The following TCP11L1 variants were observed in gnomAD, a reference collection of about 807,000 sequenced individuals.
TCP11L1 encodes T-complex protein 11-like protein 1.
In TCP11L1, 28 loss-of-function variants were observed where a neutral mutation model predicts 48.9. The ratio of observed to expected loss-of-function variants is 0.57; its 90% CI spans 0.42 to 0.78. TCP11L1 has a LOEUF of 0.78. TCP11L1 is among the 30% of genes least tolerant of loss of function. The pLI is 0.00. For synonymous variants in TCP11L1, 204 were observed against 231.9 expected, an observed-to-expected ratio of 0.88 and a Z score of 1.09; for missense variants, 505 against 613.4, an observed-to-expected ratio of 0.82 and a Z score of 1.87.
chr11:33,070,130 A>C (rs1441518099), intron 9 of TCP11L1, among the ~76,000 whole-genome samples: 1 of 151,996 alleles, frequency 6.6e-6, no homozygotes, highest in African/African-American at 2.4e-5. Flanking sequence ...TAAAAAAAAA[A>C]AATTAGCCAG....
chr11:33,066,923 CCTAA>C (rs1167663375), intron 8 of TCP11L1, among the ~76,000 whole-genome samples: 3 of 152,104 alleles, frequency 2.0e-5, no homozygotes, highest in African/African-American at 4.8e-5. Context: ...TGGAACTGAC[CCTAA>C]CTGTGTTTAA....
At chr11:33,064,080 G>T (rs1030875268) in intron 7 of TCP11L1, among the ~76,000 whole-genome samples, 1 of 152,082 alleles carries the variant, frequency 6.6e-6, no homozygotes, top group Non-Finnish European at 1.5e-5. Flanking sequence ...TGGAGAGGGG[G>T]ATGTGAGACC....
At chr11:33,050,473 A>G (rs925291919) in intron 2 of TCP11L1, among the ~76,000 whole-genome samples, 3 of 152,198 alleles carry the variant, frequency 2.0e-5, no homozygotes, top group Non-Finnish European at 4.4e-5. Flanking sequence ...CTGATAACTG[A>G]TAACAGAAAT....
At chr11:33,060,326 A>T (rs2133727865) in intron 6 of TCP11L1, among the ~76,000 whole-genome samples, 1 of 152,298 alleles carries the variant, frequency 6.6e-6, no homozygotes, top group East Asian at 1.9e-4. Context: ...AACTCACAAC[A>T]TGAAAGCCTG....
chr11:33,052,267 A>T (rs1854183420), intron 2 of TCP11L1, among the ~76,000 whole-genome samples: 1 of 152,192 alleles, frequency 6.6e-6, no homozygotes, highest in African/African-American at 2.4e-5. Flanking sequence ...AATTGAAAAG[A>T]TATATTGGGC....
intron 7 of TCP11L1, 112 bp downstream of exon 7, chr11:33,061,838 T>A: frequency 8.8e-7 from 1 of 1,134,844 alleles, no homozygotes. Context: ...CCCAGCACTT[T>A]GGGAGGCAGA....
intron 7 of TCP11L1, among the ~76,000 whole-genome samples, chr11:33,063,431 A>G (rs1421965990): frequency 6.6e-6 from 1 of 152,138 alleles, no homozygotes; most frequent in Non-Finnish European, 1.5e-5. Flanking sequence ...TCATTTTACC[A>G]TCCCACCAGC....
At chr11:33,062,708 T>A (rs1854502281) in intron 7 of TCP11L1, among the ~76,000 whole-genome samples, 1 of 152,190 alleles carries the variant, frequency 6.6e-6, no homozygotes, top group African/African-American at 2.4e-5. Context: ...CAGCCACCAT[T>A]CTACTTTGAG....
At chr11:33,040,672 C>T (rs936062911) in intron 1 of TCP11L1, 1 of 152,134 alleles carries the variant, frequency 6.6e-6, no homozygotes, top group African/African-American at 2.4e-5. Flanking sequence ...ACCATCTGGC[C>T]CCAACGCATC....
intron 7 of TCP11L1, among the ~76,000 whole-genome samples, chr11:33,062,050 C>G (rs549303569): frequency 6.6e-6 from 1 of 152,142 alleles, no homozygotes; most frequent in South Asian, 2.1e-4. Context: ...CACTGCACTC[C>G]AGCCTGGGCG....
intron 9 of TCP11L1, among the ~76,000 whole-genome samples, chr11:33,070,536 T>C (rs1054720470): frequency 1.3e-5 from 2 of 151,158 alleles, no homozygotes; most frequent in Admixed American, 6.6e-5. Flanking sequence ...AAATGCGAAA[T>C]TAGCCAGGCA....
chr11:33,051,826 A>G (rs1485570562), intron 2 of TCP11L1, among the ~76,000 whole-genome samples: 3 of 152,206 alleles, frequency 2.0e-5, no homozygotes, highest in African/African-American at 7.2e-5. Flanking sequence ...GAATTTCTAT[A>G]TATCCTTATG....
At chr11:33,040,183 G>A (rs1650619479) in intron 1 of TCP11L1, 1 of 152,106 alleles carries the variant, frequency 6.6e-6, no homozygotes, top group South Asian at 2.1e-4. Context: ...GTGCAGCGCC[G>A]ACGGATGACC....
intron 9 of TCP11L1, 32 bp from the exon 10 acceptor site, chr11:33,072,442 G>T: frequency 1.2e-6 from 2 of 1,612,258 alleles, no homozygotes; most frequent in South Asian, 1.1e-5. Context: ...TGAAGGACAA[G>T]AAACAACTGA....
At chr11:33,058,187 ATTTTCTTTTTTTTC>A in intron 5 of TCP11L1, 48 bp downstream of exon 5, 4 of 1,474,332 alleles carry the variant, frequency 2.7e-6, no homozygotes, top group Non-Finnish European at 3.6e-6. Context: ...ATTCAGAGGC[ATTTTCTTTTTTTTC>A]TTTTCTTTTT....
At position 33,043,573 on chromosome 11, in the gene TCP11L1, A is replaced by G. The variant is rs114836165; in HGVS notation, c.-24-177A>G. On this transcript the variant is annotated intron_variant, in intron 1 of 9. Transcript: ENST00000334274. ...AAATTACAAATGTCATTTTACAAGT[A>G]TCTGTTTAGTCATTGAAGTAGAATA... is the stretch of plus-strand genomic sequence containing the variant. 3.3e-3 allele frequency among the ~76,000 whole-genome samples: 500 copies of G among 152,368 alleles called. 4 individuals are homozygous for G. Among genetic ancestry groups the G allele is most frequent in the African/African-American group, 0.011 (458 of 41,590 alleles).
chr11:33,062,908 G>A (rs917559995), intron 7 of TCP11L1, among the ~76,000 whole-genome samples: 2 of 152,116 alleles, frequency 1.3e-5, no homozygotes, highest in African/African-American at 4.8e-5. Context: ...TCATTGAATT[G>A]CTCAGGCTAG....
chr11:33,059,813 CAG>C (rs1411203854), intron 6 of TCP11L1, among the ~76,000 whole-genome samples: 1 of 152,142 alleles, frequency 6.6e-6, no homozygotes, highest in Non-Finnish European at 1.5e-5. Flanking sequence ...CAGCCCCAGG[CAG>C]AGGAGTCTGA....
In TCP11L1 at chr11:33,072,553, C is replaced by T; in HGVS notation, c.1407C>T (p.Leu469=). 6.2e-7 allele frequency: 1 copy of T among 1,614,156 alleles called. No individual in the cohort carries two copies. Among genetic ancestry groups the T allele is most frequent in the Non-Finnish European group, 8.5e-7 (1 of 1,180,036 alleles). ...QKPLPTVPGG[L]SPVQRELEEV... Reference sequence around the variant, plus strand: ...CATTGCCCACAGTCCCTGGGGGACTCAGTCCAGTTCAGAGAGAGCTGGAGG... The same window carrying T: ...CATTGCCCACAGTCCCTGGGGGACTTAGTCCAGTTCAGAGAGAGCTGGAGG... Residue 469 remains leucine (L), a synonymous_variant, in exon 10 of 10, where the codon CTC becomes CTT. Coordinates refer to ENST00000334274, the MANE Select transcript of TCP11L1 (RefSeq NM_018393.4).
Sources: gnomAD v4.1 joint callset for allele counts (sites outside exome capture counted in the v4.1 genomes callset) on GRCh38, gnomAD v4.1.1 for gene constraint, MANE v1.5 for transcripts, NCBI Gene and HGNC (gene_info 2026-07-23, HGNC 2026-07-21) for gene names.